Variants in SAMD5 observed in about 807,000 individuals in gnomAD.
SAMD5 encodes sterile alpha motif domain containing 5, also known as sterile alpha motif domain-containing protein 5.
A neutral mutation model predicts 11.3 loss-of-function variants in SAMD5; 13 were observed. The observed-to-expected ratio is 1.15, with a 90% CI of 0.75 to 1.83. The LOEUF (loss-of-function observed/expected upper bound fraction) is 1.83. Ranked by LOEUF, SAMD5 falls within the 40% of genes most tolerant of loss-of-function variation. SAMD5 has a pLI of 0.00. For missense variants in SAMD5, 255 were observed against 239.1 expected, an observed-to-expected ratio of 1.07 and a Z score of -0.44; for synonymous variants, 129 against 111.3, an observed-to-expected ratio of 1.16 and a Z score of -1.00.
At chr6:147,535,499 T>G (rs1243325431) in intron 1 of SAMD5, among the ~76,000 whole-genome samples, 1 of 152,208 alleles carries the variant, frequency 6.6e-6, no homozygotes, top group Non-Finnish European at 1.5e-5. Flanking sequence ...TGTACTATAG[T>G]TTTTCTTTTG....
chr6:147,518,143 G>A (rs1014840418), intron 1 of SAMD5, among the ~76,000 whole-genome samples: 10 of 152,246 alleles, frequency 6.6e-5, no homozygotes, highest in Admixed American at 5.9e-4. Flanking sequence ...AATCGTGCCC[G>A]GATATCAGTA....
At chr6:147,875,002 G>A in the SAMD5 span, among the ~76,000 whole-genome samples, 5 of 151,950 alleles carry the variant, frequency 3.3e-5, no homozygotes, top group Non-Finnish European at 7.4e-5. Context: ...GCCTATTTCC[G>A]CATGTTACTG....
chr6:147,637,353 C>T (rs1790244814), intron 1 of SAMD5, among the ~76,000 whole-genome samples: 1 of 152,212 alleles, frequency 6.6e-6, no homozygotes. Context: ...CCCTAGTGAA[C>T]TTGTGGACAA....
At chr6:147,561,513 G>A (rs559884720) in intron 1 of SAMD5, among the ~76,000 whole-genome samples, 1 of 152,152 alleles carries the variant, frequency 6.6e-6, no homozygotes. Context: ...TTTAAGAAGG[G>A]ATCAATGCCT....
the SAMD5 span, among the ~76,000 whole-genome samples, chr6:147,782,321 G>A: frequency 1.3e-5 from 2 of 152,076 alleles, no homozygotes; most frequent in Non-Finnish European, 2.9e-5. Flanking sequence ...TAAAAGTTGC[G>A]TTCAGATACA....
intron 1 of SAMD5, among the ~76,000 whole-genome samples, chr6:147,674,241 A>G (rs996149283): frequency 6.6e-6 from 1 of 152,166 alleles, no homozygotes; most frequent in Admixed American, 6.5e-5. Flanking sequence ...TCTCCTAGGT[A>G]ATGGAGATGG....
At chr6:147,846,890 A>G in the SAMD5 span, among the ~76,000 whole-genome samples, 1 of 152,186 alleles carries the variant, frequency 6.6e-6, no homozygotes, top group Admixed American at 6.5e-5. Context: ...CTCATTATGG[A>G]TGTTGCCAGA....
At chr6:147,937,075 A>G in the SAMD5 span, among the ~76,000 whole-genome samples, 3 of 152,206 alleles carry the variant, frequency 2.0e-5, no homozygotes, top group Admixed American at 6.5e-5. Context: ...TACTAGTCAT[A>G]TAATCCTGGG....
At chr6:147,796,859 C>T in the SAMD5 span, among the ~76,000 whole-genome samples, 3 of 149,860 alleles carry the variant, frequency 2.0e-5, no homozygotes, top group East Asian at 3.9e-4. Flanking sequence ...CATGATTTGG[C>T]TCTGTGTTTC....
At chr6:147,656,542 A>G (rs943663428) in intron 1 of SAMD5, among the ~76,000 whole-genome samples, 3 of 152,202 alleles carry the variant, frequency 2.0e-5, no homozygotes, top group Non-Finnish European at 2.9e-5. Flanking sequence ...AGAAAAAATG[A>G]ACAAAAACTT....
In SAMD5 at chr6:147,709,493, G is replaced by A. The variant is rs1791368408; in HGVS notation, c.163-27824G>A. ...TCTTTAGAAGGCTAATCAGGGTTTT[G>A]TTTTGCTTTGGTTTGGTTTTAAGAT... On this transcript the variant is annotated intron_variant, in intron 1 of 1. Transcript: ENST00000566741. Among the ~76,000 whole-genome samples, 3 of 152,150 alleles carry A rather than the reference G, an allele frequency of 2.0e-5. No individual in the cohort carries two copies. In the South Asian group the frequency reaches 6.2e-4, roughly 32 times the overall value.
intron 1 of SAMD5, among the ~76,000 whole-genome samples, chr6:147,687,302 T>C (rs9497840): frequency 3.4e-5 from 5 of 145,778 alleles, no homozygotes; most frequent in African/African-American, 7.6e-5. Context: ...TTTTTTTAGG[T>C]TATAGAGTCT....
At chr6:147,678,006 G>T (rs1790889777) in intron 1 of SAMD5, among the ~76,000 whole-genome samples, 1 of 152,088 alleles carries the variant, frequency 6.6e-6, no homozygotes, top group African/African-American at 2.4e-5. Context: ...CTACCTCTTT[G>T]GTTAAGGGCA....
the SAMD5 span, among the ~76,000 whole-genome samples, chr6:147,750,160 C>T: frequency 6.6e-6 from 1 of 152,188 alleles, no homozygotes; most frequent in Non-Finnish European, 1.5e-5. Flanking sequence ...TTAGAATTTA[C>T]ATTTGAACAT....
intron 1 of SAMD5, among the ~76,000 whole-genome samples, chr6:147,710,813 G>A (rs535423311): frequency 1.5e-3 from 94 of 61,048 alleles, no homozygotes; most frequent in African/African-American, 0.01. Flanking sequence ...GTCTTGGAAT[G>A]TATCCCCCCT....
the SAMD5 span, among the ~76,000 whole-genome samples, chr6:147,844,183 G>A: frequency 4.1e-4 from 62 of 152,224 alleles, 2 homozygotes; most frequent in East Asian, 5.8e-3. Context: ...TTGGGCAAAA[G>A]ACTTGAATAA....
chr6:147,751,365 G>A, the SAMD5 span, among the ~76,000 whole-genome samples: 1 of 151,838 alleles, frequency 6.6e-6, no homozygotes, highest in African/African-American at 2.4e-5. Flanking sequence ...CTAGTAAAAC[G>A]TAAGCAACGG....
intron 1 of SAMD5, among the ~76,000 whole-genome samples, chr6:147,721,391 C>G (rs1791549903): frequency 6.6e-6 from 1 of 151,982 alleles, no homozygotes; most frequent in Non-Finnish European, 1.5e-5. Context: ...GATTGCCATT[C>G]TAACTGGTGT....
At chr6:147,807,500 G>A in the SAMD5 span, among the ~76,000 whole-genome samples, 2 of 152,176 alleles carry the variant, frequency 1.3e-5, no homozygotes, top group African/African-American at 4.8e-5. Flanking sequence ...AGAAAAACAA[G>A]ACTCAGAGGA....
Sources: gnomAD v4.1 joint callset for allele counts (sites outside exome capture counted in the v4.1 genomes callset) on GRCh38, gnomAD v4.1.1 for gene constraint, MANE v1.5 for transcripts, NCBI Gene and HGNC (gene_info 2026-07-23, HGNC 2026-07-21) for gene names.